ZNF729: variants seen among roughly 807,000 people sequenced by gnomAD.
ZNF729 encodes the protein zinc finger protein 729.
A neutral mutation model predicts 12.2 loss-of-function variants in ZNF729; 15 were observed. The observed-to-expected ratio is 1.23, with a 90% CI of 0.82 to 1.89. ZNF729 has a LOEUF of 1.89. ZNF729 is among the 40% of genes most tolerant of loss of function. ZNF729 has a pLI of 0.00. For synonymous variants in ZNF729, 492 were observed against 476.3 expected (o/e 1.03, Z -0.43); for missense variants, 1,540 against 1,456.7 (o/e 1.06, Z -0.93).
chr19:22,309,775 T>G (rs1968428623), intron 3 of ZNF729, among the ~76,000 whole-genome samples: 1 of 152,066 alleles, frequency 6.6e-6, no homozygotes, highest in Non-Finnish European at 1.5e-5. Context: ...GGAACTGCAT[T>G]GAGTTTGTAG....
chr19:22,306,509 T>C (rs1460980787), intron 3 of ZNF729, among the ~76,000 whole-genome samples: 2 of 150,718 alleles, frequency 1.3e-5, no homozygotes, highest in Non-Finnish European at 3.0e-5. Flanking sequence ...TGTTTTTTTT[T>C]TTAACATGTT....
intron 3 of ZNF729, among the ~76,000 whole-genome samples, chr19:22,307,451 A>AT (rs112728876): frequency 0.019 from 2,801 of 147,974 alleles, 88 homozygotes; most frequent in African/African-American, 0.066. Context: ...GATTAAGAAT[A>AT]TTTTTTTTTC....
rs529416142 is a variant in ZNF729, at chr19:22,288,945, G to A, written c.30+2390G>A. ...TAAAATACATCTGGGGCACTCACTG[G>A]GGCTTAATTCAGAGTCTCCTGAGAA... On this transcript the variant is annotated intron_variant, in intron 1 of 3. Transcript: ENST00000601693. Among the ~76,000 whole-genome samples, 30 of 152,212 alleles carry A rather than the reference G, an allele frequency of 2.0e-4. No homozygotes were observed. The South Asian group carries it at 5.2e-3, about 26-fold the overall frequency.
rs779471922 is a variant in ZNF729, at chr19:22,314,255, A to G, written c.838A>G (p.Thr280Ala). The G allele has an allele frequency of 9.9e-6, 16 of 1,609,250 alleles. No individual in the cohort carries two copies. The highest frequency in any genetic ancestry group is 2.2e-5 in the South Asian group (2 of 90,780). The change falls in exon 4 of 4, where the codon ACT becomes GCT. Residue 280 changes from threonine to alanine, a missense_variant. Physicochemically the swap from Thr to Ala is moderately conservative, Grantham distance 58. Transcript: ENST00000601693. The stretch of plus-strand genomic sequence containing the variant: ...AGCTTTTAACCAGTCCTCAAATCTT[A>G]CTGACCATAAGAGAATTCATACTGG... Reference protein sequence around the residue: ...GKAFNQSSNLTDHKRIHTGEK... With the variant: ...GKAFNQSSNLADHKRIHTGEK...
chr19:22,300,717 T>C (rs990669723), intron 1 of ZNF729, among the ~76,000 whole-genome samples: 3 of 152,236 alleles, frequency 2.0e-5, no homozygotes, highest in African/African-American at 7.2e-5. Flanking sequence ...TCAGTGACTC[T>C]TGTATCTTCC....
At chr19:22,287,770 T>G (rs1968100409) in intron 1 of ZNF729, among the ~76,000 whole-genome samples, 1 of 151,804 alleles carries the variant, frequency 6.6e-6, no homozygotes, top group Non-Finnish European at 1.5e-5. Flanking sequence ...TGGCTTGCAG[T>G]AAAATATAAA....
chr19:22,287,570 T>C (rs1359617278), intron 1 of ZNF729, among the ~76,000 whole-genome samples: 1 of 152,074 alleles, frequency 6.6e-6, no homozygotes, highest in Admixed American at 6.5e-5. Context: ...CTCGGCCGAA[T>C]TAGATTTTTT....
At chr19:22,305,191 T>G (rs1968363501) in intron 3 of ZNF729, among the ~76,000 whole-genome samples, 1 of 152,172 alleles carries the variant, frequency 6.6e-6, no homozygotes, top group Non-Finnish European at 1.5e-5. Context: ...CCTTTTCGCC[T>G]TCCACTGTGA....
Position 22,316,057 on chromosome 19 carries a change from C to T in ZNF729, c.2640C>T (p.Tyr880=). ...TAATTCATAGTGGAGAGAAACCATA[C>T]AAATGTGAAGAATGTGGTAAAGCTT... ...HEIIHSGEKP[Y]KCEECGKAFK... Residue 880 remains tyrosine (Y), a synonymous_variant, in exon 4 of 4, where the codon TAC becomes TAT. Coordinates refer to ENST00000601693, the MANE Select transcript of ZNF729 (RefSeq NM_001242680.2). 1 of 1,610,396 alleles carries T rather than the reference C, an allele frequency of 6.2e-7. No individual in the cohort carries two copies. Among genetic ancestry groups the T allele is most frequent in the Non-Finnish European group, 8.5e-7 (1 of 1,179,496 alleles).
chr19:22,300,750 T>C (rs2145047937), intron 1 of ZNF729, among the ~76,000 whole-genome samples: 1 of 152,306 alleles, frequency 6.6e-6, no homozygotes, highest in Non-Finnish European at 1.5e-5. Context: ...ATTCACAGAC[T>C]ATGGGGCCCA....
chr19:22,305,994 T>C (rs975952620), intron 3 of ZNF729, among the ~76,000 whole-genome samples: 3 of 152,088 alleles, frequency 2.0e-5, no homozygotes, highest in African/African-American at 7.2e-5. Flanking sequence ...TTTGTTTTGT[T>C]TTTTAGAGAC....
rs1378668675 is a variant in ZNF729 at position 22,315,974 on chromosome 19, A to C, written c.2557A>C (p.Lys853Gln). 2.5e-6 allele frequency: 4 copies of C among 1,611,418 alleles called. No homozygotes were observed. The highest frequency in any genetic ancestry group is 2.2e-5 in the East Asian group (1 of 44,850). ...KVIHTGKKPYKCEECGKAFSQ... is the reference protein window; with the variant it reads ...KVIHTGKKPYQCEECGKAFSQ... ...AATTCATACTGGAAAGAAACCCTAC[A>C]AATGTGAAGAATGTGGCAAAGCTTT... Residue 853 changes from lysine (K) to glutamine (Q), a missense_variant, in exon 4 of 4, where the codon AAA becomes CAA. By Grantham distance (53) the Lys-to-Gln change is moderately conservative. Transcript: ENST00000601693.
intron 3 of ZNF729, among the ~76,000 whole-genome samples, chr19:22,308,886 A>G (rs1433930657): frequency 1.3e-5 from 2 of 151,920 alleles, no homozygotes; most frequent in African/African-American, 4.8e-5. Flanking sequence ...TCCCGTTTTG[A>G]CACTATTCCA....
chr19:22,296,582 G>A (rs1968232861), intron 1 of ZNF729, among the ~76,000 whole-genome samples: 1 of 151,548 alleles, frequency 6.6e-6, no homozygotes, highest in Non-Finnish European at 1.5e-5. Context: ...TTGTTCTTTT[G>A]TATAGTTTTT....
chr19:22,313,370 A>G (rs774527665), intron 3 of ZNF729, among the ~76,000 whole-genome samples: 6 of 152,214 alleles, frequency 3.9e-5, no homozygotes, highest in Non-Finnish European at 8.8e-5. Context: ...ACTTCTAAAG[A>G]GCCTATGCTA....
Position 22,314,610 on chromosome 19 carries a change from A to G in ZNF729, c.1193A>G (p.His398Arg). Residue 398 changes from histidine (H) to arginine (R), a missense_variant, in exon 4 of 4, where the codon CAT becomes CGT. His to Arg is a conservative substitution (Grantham distance 29). Coordinates refer to ENST00000601693, the MANE Select transcript of ZNF729 (RefSeq NM_001242680.2). ...AAACTTACTGTACATAAGGTAGTTC[A>G]TACTGGAGAGAAACCCTACAAATGT... ...SSKLTVHKVVHTGEKPYKCEE... is the reference protein window; with the variant it reads ...SSKLTVHKVVRTGEKPYKCEE... 1 of 1,612,272 alleles carries G rather than the reference A, an allele frequency of 6.2e-7. No individual in the cohort carries two copies. The highest frequency in any genetic ancestry group is 8.5e-7 in the Non-Finnish European group (1 of 1,179,928).
chr19:22,290,777 T>C (rs1968141917), intron 1 of ZNF729, among the ~76,000 whole-genome samples: 1 of 152,078 alleles, frequency 6.6e-6, no homozygotes, highest in Non-Finnish European at 1.5e-5. Flanking sequence ...AAAGAGACAG[T>C]GTGCAGAGTC....
At chr19:22,310,966 A>C (rs1180220625) in intron 3 of ZNF729, among the ~76,000 whole-genome samples, 1 of 152,098 alleles carries the variant, frequency 6.6e-6, no homozygotes, top group Non-Finnish European at 1.5e-5. Flanking sequence ...TAGGTTTTCT[A>C]GTTAGTGCAC....
intron 3 of ZNF729, among the ~76,000 whole-genome samples, chr19:22,309,400 G>A (rs549496277): frequency 2.0e-5 from 3 of 152,172 alleles, no homozygotes; most frequent in Non-Finnish European, 2.9e-5. Flanking sequence ...AGCTGAGATC[G>A]TACCACTGCA....
Sources: allele counts gnomAD v4.1 joint callset (sites outside exome capture counted in the v4.1 genomes callset), GRCh38; gene constraint gnomAD v4.1.1; transcripts MANE v1.5; gene names NCBI Gene and HGNC (gene_info 2026-07-23, HGNC 2026-07-21).